Variants in PRCP observed in about 807,000 individuals in gnomAD.
The protein encoded by PRCP is lysosomal Pro-X carboxypeptidase.
Under a neutral mutation model 54.2 loss-of-function variants are expected in PRCP, and 46 were observed. The observed-to-expected ratio is 0.85, with a 90% confidence interval of 0.67 to 1.09. The LOEUF is 1.09. Among genes scored for constraint, PRCP ranks in the 50% least tolerant of loss-of-function variants. The probability of loss-of-function intolerance (pLI) is 0.00; values close to 1 mark genes in which losing one functional copy is unlikely to be tolerated. For missense variants in PRCP, 613 were observed against 596.8 expected (o/e 1.03, Z -0.28); for synonymous variants, 240 against 212.2 (o/e 1.13, Z -1.14).
Position 82,824,930 on chromosome 11 carries a change from A to G in PRCP, c.1467T>C (p.Tyr489=). 1.2e-6 allele frequency: 2 copies of G among 1,614,124 alleles called. No homozygotes were observed. Among genetic ancestry groups the G allele is most frequent in the Non-Finnish European group, 1.7e-6 (2 of 1,179,984 alleles). ...CTCAGTGCTGCTTTCCCGCACTGTC[A>G]TAGAAATCTCTGATCCAATTCTTCA... is the stretch of plus-strand genomic sequence containing the variant. ...RHMKNWIRDF[Y]DSAGKQH The change falls in exon 9 of 9, where the codon TAT becomes TAC. Residue 489 remains tyrosine (Y), a synonymous_variant. Transcript: ENST00000313010.
chr11:82,873,666 A>G (rs934022030), intron 1 of PRCP, among the ~76,000 whole-genome samples: 4 of 152,272 alleles, frequency 2.6e-5, no homozygotes, highest in African/African-American at 9.6e-5. Flanking sequence ...AAGTACATAC[A>G]AACATAGTAT....
At chr11:82,887,912 C>G (rs1002054031) in intron 1 of PRCP, among the ~76,000 whole-genome samples, 3 of 152,136 alleles carry the variant, frequency 2.0e-5, no homozygotes, top group Admixed American at 2.0e-4. Context: ...CTGAGTTTCC[C>G]CATTCAGACT....
intron 8 of PRCP, chr11:82,827,982 T>G (rs1858283166): frequency 6.6e-6 from 1 of 152,232 alleles, no homozygotes; most frequent in Admixed American, 6.5e-5. Context: ...TTTGTTAAAT[T>G]TATTCCAAAG....
intron 6 of PRCP, among the ~76,000 whole-genome samples, chr11:82,847,502 T>C (rs1053415700): frequency 1.3e-5 from 2 of 152,248 alleles, no homozygotes; most frequent in African/African-American, 4.8e-5. Context: ...TTGTAAATAG[T>C]AAAGTAATAT....
rs1858175447 is a variant in PRCP at position 82,824,639 on chromosome 11, C to T, written c.*267G>A. 2.3e-6 allele frequency: 1 copy of T among 427,736 alleles called. No individual in the cohort carries two copies. The highest frequency in any genetic ancestry group is 3.8e-5 in the Admixed American group (1 of 26,276). The allele number at this position is 427,736 out of a possible 1,614,324, so 26.5% of individuals were successfully genotyped here. Reference sequence around the variant, plus strand: ...CCCTCTTATGAAAAGCAACCAGGAACTCTACTCCAGTTATGAGGGCCACTG... The same window carrying T: ...CCCTCTTATGAAAAGCAACCAGGAATTCTACTCCAGTTATGAGGGCCACTG... On this transcript the variant is annotated 3_prime_UTR_variant, in exon 9 of 9. Transcript: ENST00000313010.
chr11:82,898,409 T>C (rs1860167297), intron 1 of PRCP, among the ~76,000 whole-genome samples: 1 of 152,226 alleles, frequency 6.6e-6, no homozygotes, highest in Admixed American at 6.5e-5. Flanking sequence ...ATTTGTTCCC[T>C]TCCTCTTTTC....
rs370726996 is a variant in PRCP at position 82,900,426 on chromosome 11, C to T, written c.-24G>A. 130 of 1,609,242 alleles carry T rather than the reference C, an allele frequency of 8.1e-5. No individual in the cohort carries two copies. The highest frequency in any genetic ancestry group is 1.0e-4 in the Non-Finnish European group (119 of 1,179,352). On this transcript the variant is annotated 5_prime_UTR_variant, in exon 1 of 9. Transcript: ENST00000313010. ...ATGGCTCAGGCTGGAGACTGCAGTG[C>T]GGGTGGGAGGGCGAAAAGGAGGCCA...
At chr11:82,862,558 A>T (rs1372630744) in intron 1 of PRCP, among the ~76,000 whole-genome samples, 1 of 151,488 alleles carries the variant, frequency 6.6e-6, no homozygotes, top group African/African-American at 2.4e-5. Flanking sequence ...ATTCTAAAAC[A>T]GATGGGACTT....
intron 1 of PRCP, among the ~76,000 whole-genome samples, chr11:82,881,914 C>A (rs1161920306): frequency 6.6e-6 from 1 of 152,144 alleles, no homozygotes; most frequent in Non-Finnish European, 1.5e-5. Context: ...ATAGAACATA[C>A]TATTGACCAG....
chr11:82,853,329 T>A, intron 2 of PRCP, 51 bp from the exon 3 acceptor site: 1 of 1,501,548 alleles, frequency 6.7e-7, no homozygotes, highest in Non-Finnish European at 9.2e-7. Context: ...TGAAAAAAAG[T>A]CACTGAACCT....
intron 1 of PRCP, among the ~76,000 whole-genome samples, chr11:82,864,004 A>T (rs1411347890): frequency 6.6e-6 from 1 of 152,230 alleles, no homozygotes; most frequent in African/African-American, 2.4e-5. Flanking sequence ...GGATAACCAC[A>T]TACAATTCAA....
At chr11:82,873,088 A>AAT (rs1491555950) in intron 1 of PRCP, among the ~76,000 whole-genome samples, 10 of 150,122 alleles carry the variant, frequency 6.7e-5, no homozygotes, top group South Asian at 6.3e-4. Context: ...TTAAAAAAAA[A>AAT]GAAAGTAAGA....
chr11:82,853,151 A>G (rs534868478), intron 3 of PRCP, 26 bp downstream of exon 3: 1 of 1,513,268 alleles, frequency 6.6e-7, no homozygotes, highest in African/African-American at 1.4e-5. Context: ...AAAAGCTTGT[A>G]ACTTTTAAGT....
chr11:82,831,372 G>A (rs1039703419), intron 8 of PRCP: 1 of 152,140 alleles, frequency 6.6e-6, no homozygotes, highest in African/African-American at 2.4e-5. Context: ...TATATATCAG[G>A]CACTGATTGG....
rs902571161 is a variant in PRCP at position 82,823,417 on chromosome 11, T to A, written c.*1489A>T. On this transcript the variant is annotated 3_prime_UTR_variant, in exon 9 of 9. Transcript: ENST00000313010. ...GTTACCAAATGCTTTGATAGACAACTCATTACAATGAGAACTGAAGGCTCC... is the reference window on the plus strand; with the variant it reads ...GTTACCAAATGCTTTGATAGACAACACATTACAATGAGAACTGAAGGCTCC... 1 of 152,272 alleles carries A rather than the reference T, an allele frequency of 6.6e-6. No homozygotes were observed. Among genetic ancestry groups the A allele is most frequent in the Non-Finnish European group, 1.5e-5 (1 of 68,016 alleles). The allele number at this position is 152,272 out of a possible 1,614,324, so 9.4% of individuals were successfully genotyped here. A position where few individuals can be genotyped will look rare whatever the true frequency, so the allele number is the denominator to read the frequency against.
At chr11:82,874,545 G>T (rs961698983) in intron 1 of PRCP, among the ~76,000 whole-genome samples, 1 of 151,752 alleles carries the variant, frequency 6.6e-6, no homozygotes, top group African/African-American at 2.4e-5. Flanking sequence ...ACAAAAATTA[G>T]CATGGCATAA....
chr11:82,881,029 C>T (rs755255104), intron 1 of PRCP, among the ~76,000 whole-genome samples: 2 of 152,190 alleles, frequency 1.3e-5, no homozygotes, highest in African/African-American at 2.4e-5. Flanking sequence ...ACTTTATACT[C>T]ATAGTAAAGG....
intron 8 of PRCP, chr11:82,836,090 G>A (rs1858518004): frequency 1.0e-5 from 2 of 191,580 alleles, no homozygotes; most frequent in South Asian, 1.9e-4. Context: ...CTACTTGGGA[G>A]GCTGAGGCAG....
intron 1 of PRCP, among the ~76,000 whole-genome samples, chr11:82,869,245 A>T (rs1489828127): frequency 1.3e-5 from 2 of 151,384 alleles, no homozygotes; most frequent in East Asian, 3.9e-4. Flanking sequence ...AGTCCTAGCT[A>T]CTCAGGACGC....
Sources: gnomAD v4.1 joint callset for allele counts (sites outside exome capture counted in the v4.1 genomes callset) on GRCh38, gnomAD v4.1.1 for gene constraint, MANE v1.5 for transcripts, NCBI Gene and HGNC (gene_info 2026-07-23, HGNC 2026-07-21) for gene names.